RASSF3: variants seen among roughly 807,000 people sequenced by gnomAD.
The protein encoded by RASSF3 is ras association domain-containing protein 3.
In RASSF3, 19 loss-of-function variants were observed where a neutral mutation model predicts 19.9. That is an observed-to-expected ratio of 0.96 (90% CI 0.67 to 1.40). The LOEUF (loss-of-function observed/expected upper bound fraction) is 1.40. RASSF3 is among the 40% of genes most tolerant of loss of function. The pLI, the probability that RASSF3 is intolerant of heterozygous loss-of-function variation, is 0.00. For synonymous variants in RASSF3, 110 were observed against 104.2 expected, an observed-to-expected ratio of 1.06 and a Z score of -0.34; for missense variants, 306 against 289.8, an observed-to-expected ratio of 1.06 and a Z score of -0.41.
intron 2 of RASSF3, among the ~76,000 whole-genome samples, chr12:64,582,996 T>C (rs1869729137): frequency 6.6e-6 from 1 of 152,172 alleles, no homozygotes; most frequent in Admixed American, 6.6e-5. Flanking sequence ...GCATAAACCC[T>C]GGACCTGGAA....
intron 2 of RASSF3, among the ~76,000 whole-genome samples, chr12:64,554,782 ATCTT>A (rs1397473587): frequency 6.6e-6 from 1 of 152,206 alleles, no homozygotes; most frequent in African/African-American, 2.4e-5. Flanking sequence ...TTTATTGTCT[ATCTT>A]CTCCCACTAG....
intron 1 of RASSF3, among the ~76,000 whole-genome samples, chr12:64,637,941 C>A (rs530327043): frequency 6.6e-6 from 1 of 151,742 alleles, no homozygotes; most frequent in African/African-American, 2.4e-5. Context: ...AAGTGATTCT[C>A]CTGCCTCAGC....
intron 2 of RASSF3, among the ~76,000 whole-genome samples, chr12:64,581,439 G>A (rs1268740966): frequency 6.6e-6 from 1 of 152,198 alleles, no homozygotes; most frequent in East Asian, 1.9e-4. Context: ...AAGTAGTCAT[G>A]CTTTTCAAGC....
chr12:64,536,586 G>T (rs900844315), intron 1 of RASSF3, among the ~76,000 whole-genome samples: 5 of 151,752 alleles, frequency 3.3e-5, no homozygotes, highest in African/African-American at 1.2e-4. Context: ...AATAAGAAAG[G>T]AGAGCCTTGG....
chr12:64,544,047 G>C (rs766590199), downstream of RASSF3, among the ~76,000 whole-genome samples: 4 of 152,132 alleles, frequency 2.6e-5, no homozygotes, highest in Non-Finnish European at 5.9e-5. Flanking sequence ...AGAGAATAAA[G>C]CAGGCTGCCA....
At chr12:64,550,289 A>G (rs4964090) in intron 2 of RASSF3, among the ~76,000 whole-genome samples, 51,535 of 151,918 alleles carry the variant, frequency 0.34, 10,590 homozygotes, top group East Asian at 0.66. Context: ...GGAAACGAGA[A>G]GGGGAAAGAA....
At chr12:64,606,758 T>G (rs1394229806), upstream of RASSF3, among the ~76,000 whole-genome samples, 1 of 151,960 alleles carries the variant, frequency 6.6e-6, no homozygotes, top group African/African-American at 2.4e-5. Context: ...GAGGTTGCAG[T>G]GAGCTGAGAT....
At chr12:64,579,977 G>T (rs906910405) in intron 2 of RASSF3, among the ~76,000 whole-genome samples, 11 of 152,008 alleles carry the variant, frequency 7.2e-5, no homozygotes, top group African/African-American at 2.4e-4. Flanking sequence ...ACCATGCCTG[G>T]CTAATTTTTG....
At chr12:64,665,864 C>G (rs1872527174) in intron 1 of RASSF3, among the ~76,000 whole-genome samples, 1 of 152,158 alleles carries the variant, frequency 6.6e-6, no homozygotes, top group African/African-American at 2.4e-5. Context: ...TGGGCTGAGC[C>G]CCAGTTTGGG....
At chr12:64,532,584 A>C (rs954554710), upstream of RASSF3, among the ~76,000 whole-genome samples, 1 of 151,926 alleles carries the variant, frequency 6.6e-6, no homozygotes, top group Admixed American at 6.6e-5. Context: ...GCACTATGGG[A>C]GGCCGAGGTG....
At chr12:64,571,728 CTT>C (rs899386965) in intron 2 of RASSF3, among the ~76,000 whole-genome samples, 5 of 151,558 alleles carry the variant, frequency 3.3e-5, no homozygotes, top group African/African-American at 1.2e-4. Flanking sequence ...ATTCGTGACA[CTT>C]TTTTTTTGTG....
intron 1 of RASSF3, among the ~76,000 whole-genome samples, chr12:64,669,392 C>T (rs1022036440): frequency 6.6e-6 from 1 of 152,006 alleles, no homozygotes; most frequent in Admixed American, 6.6e-5. Context: ...TGAAACAGTT[C>T]CCCCTGTCAC....
Position 64,680,217 on chromosome 12 carries a change from G to A in RASSF3, c.112-4570G>A, listed in dbSNP as rs1314955567. On this transcript the variant is annotated intron_variant, in intron 1 of 4. Transcript: ENST00000542104. ...GGACGGGAGGGTCTTTTTTAAAGGGGTAAACAATTGGAAAGTTTTTAGAGT... is the reference window on the plus strand; with the variant it reads ...GGACGGGAGGGTCTTTTTTAAAGGGATAAACAATTGGAAAGTTTTTAGAGT... Among the ~76,000 whole-genome samples, 4 of 152,074 alleles carry A rather than the reference G, an allele frequency of 2.6e-5. No homozygotes were observed. The East Asian group carries it at 7.7e-4, about 29-fold the overall frequency.
exon 1 of RASSF3, chr12:64,507,100 T>C (rs987737856): frequency 4.5e-5 from 18 of 398,128 alleles, no homozygotes; most frequent in South Asian, 2.7e-4. Flanking sequence ...CCCAGACATA[T>C]TGGCTGAAAG....
At chr12:64,678,660 A>AAAAAAC (rs1873000785) in intron 1 of RASSF3, among the ~76,000 whole-genome samples, 1 of 146,386 alleles carries the variant, frequency 6.8e-6, no homozygotes, top group Non-Finnish European at 1.5e-5. Context: ...AAAAAAAAAA[A>AAAAAAC]AAAAACCAAA....
Position 64,685,644 on chromosome 12 carries a change from G to A in RASSF3, c.219+750G>A, listed in dbSNP as rs59822845. 3.5e-3 allele frequency among the ~76,000 whole-genome samples: 531 copies of A among 152,316 alleles called. 4 individuals are homozygous for A. The highest frequency in any genetic ancestry group is 0.012 in the African/African-American group (513 of 41,570). The stretch of plus-strand genomic sequence containing the variant: ...AATAGGATAGTTTTCTCTGCCGGTC[G>A]TTAGTGTAAGACAAGGTACTTAATA... On this transcript the variant is annotated intron_variant, in intron 2 of 4. Coordinates refer to ENST00000542104, the MANE Select transcript of RASSF3 (RefSeq NM_178169.4).
intron 1 of RASSF3, among the ~76,000 whole-genome samples, chr12:64,645,853 G>T (rs1467898162): frequency 6.6e-6 from 1 of 152,056 alleles, no homozygotes; most frequent in East Asian, 1.9e-4. Flanking sequence ...GTACATTTCT[G>T]TTACCCAGGA....
chr12:64,533,905 G>A lies in RASSF3; in HGVS notation c.67+571G>A, dbSNP rs945603935. On this transcript the variant is annotated intron_variant, in intron 1 of 1. Transcript: ENST00000636333. Reference sequence around the variant, plus strand: ...CTTGGTAGAGCTTGGGGCTTCCTGCGGCTTCGGGAAATGGGTAGATCTTTA... The same window carrying A: ...CTTGGTAGAGCTTGGGGCTTCCTGCAGCTTCGGGAAATGGGTAGATCTTTA... Among the ~76,000 whole-genome samples, 7 of 152,116 alleles carry A rather than the reference G, an allele frequency of 4.6e-5. No individual in the cohort carries two copies. In the East Asian group the frequency reaches 1.2e-3, roughly 25 times the overall value.
intron 1 of RASSF3, among the ~76,000 whole-genome samples, chr12:64,646,318 A>G (rs1259661767): frequency 2.0e-5 from 3 of 152,190 alleles, no homozygotes; most frequent in Admixed American, 2.0e-4. Context: ...ACTGACGTAC[A>G]TGCCCACTAG....
Sources: allele counts gnomAD v4.1 joint callset (sites outside exome capture counted in the v4.1 genomes callset), GRCh38; gene constraint gnomAD v4.1.1; transcripts MANE v1.5; gene names NCBI Gene and HGNC (gene_info 2026-07-23, HGNC 2026-07-21).